EFCAB6: variants seen among roughly 807,000 people sequenced by gnomAD.
EFCAB6 encodes EF-hand calcium binding domain 6.
A neutral mutation model predicts 169.8 loss-of-function variants in EFCAB6; 156 were observed. The ratio of observed to expected loss-of-function variants is 0.92; its 90% CI spans 0.81 to 1.05. EFCAB6 has a LOEUF of 1.05. Among genes scored for constraint, EFCAB6 ranks in the 50% least tolerant of loss-of-function variants. The pLI is 0.00. For missense variants in EFCAB6, 1,800 were observed against 1,829.1 expected (o/e 0.98, Z 0.29); for synonymous variants, 698 against 676.4 (o/e 1.03, Z -0.50).
At chr22:43,622,921 G>A (rs1040768013) in intron 20 of EFCAB6, among the ~76,000 whole-genome samples, 1 of 152,148 alleles carries the variant, frequency 6.6e-6, no homozygotes, top group South Asian at 2.1e-4. Flanking sequence ...CACCATGCTC[G>A]GGGTGTTGTG....
chr22:43,646,815 A>G (rs764058978), intron 17 of EFCAB6, among the ~76,000 whole-genome samples: 23 of 152,234 alleles, frequency 1.5e-4, no homozygotes, highest in Non-Finnish European at 1.2e-4. Flanking sequence ...TTTTTATTCT[A>G]CCCAAAGTTG....
intron 26 of EFCAB6, among the ~76,000 whole-genome samples, chr22:43,573,323 T>C (rs994467673): frequency 6.6e-6 from 1 of 152,110 alleles, no homozygotes; most frequent in African/African-American, 2.4e-5. Context: ...TGTTACACTT[T>C]GATACAAATG....
chr22:43,529,032 G>T, intron 31 of EFCAB6, 57 bp from the exon 32 acceptor site: 1 of 1,507,894 alleles, frequency 6.6e-7, no homozygotes, highest in Non-Finnish European at 9.0e-7. Context: ...GGTTAAGGAG[G>T]CAGGCTGCCA....
Position 43,626,544 on chromosome 22 carries a change from C to CA in EFCAB6, c.2367dup (p.Gly790TrpfsTer5). 1.9e-6 allele frequency: 3 copies of CA among 1,614,102 alleles called. No homozygotes were observed. Among genetic ancestry groups the CA allele is most frequent in the Non-Finnish European group, 1.7e-6 (2 of 1,180,034 alleles). The stretch of plus-strand genomic sequence containing the variant: ...TTTAAAGTGACACTAAGTCTCAAGC[C>CA]AAGAAGGCCAAGGAAGCGCTCAAAC... On this transcript the variant is annotated frameshift_variant, in exon 20 of 32. Coordinates refer to ENST00000262726, the MANE Select transcript of EFCAB6 (RefSeq NM_022785.4). LOFTEE classifies it high-confidence loss of function.
chr22:43,672,500 T>C (rs979048657), intron 13 of EFCAB6, among the ~76,000 whole-genome samples, 195 bp from the exon 14 acceptor site: 2 of 152,150 alleles, frequency 1.3e-5, no homozygotes, highest in Non-Finnish European at 2.9e-5. Context: ...TGAAATACTA[T>C]GCAGACATAA....
At position 43,576,431 on chromosome 22, in the gene EFCAB6, G is replaced by T; in HGVS notation, c.3286C>A (p.Gln1096Lys). 1 of 1,600,170 alleles carries T rather than the reference G, an allele frequency of 6.2e-7. No homozygotes were observed. The highest frequency in any genetic ancestry group is 8.5e-7 in the Non-Finnish European group (1 of 1,176,020). The change falls in exon 26 of 32, where the codon CAA (glutamine) becomes AAA (lysine). Residue 1096 changes from glutamine (Q) to lysine (K), a missense_variant. Coordinates refer to ENST00000262726, the MANE Select transcript of EFCAB6 (RefSeq NM_022785.4). Reference protein sequence around the residue: ...TGFVKATEFGQVLKDFCYKLT... With the variant: ...TGFVKATEFGKVLKDFCYKLT... Reference sequence around the variant, plus strand: ...TTGTAACAGAAATCCTTAAGAACTTGTCCGAATTCTGTAGCCTTTACAAAT... The same window carrying T: ...TTGTAACAGAAATCCTTAAGAACTTTTCCGAATTCTGTAGCCTTTACAAAT...
Position 43,782,273 on chromosome 22 carries a change from G to A in EFCAB6, c.46C>T (p.His16Tyr). 1 of 1,614,088 alleles carries A rather than the reference G, an allele frequency of 6.2e-7. No homozygotes were observed. Among genetic ancestry groups the A allele is most frequent in the Non-Finnish European group, 8.5e-7 (1 of 1,179,968 alleles). ...IIPDWLRSHP[H>Y]TRKFTHSRPH... ...CTTGAATGTGTAAATTTTCGTGTGTGAGGATGCGACCTAAGCCAGTCTGGT... is the reference window on the plus strand; with the variant it reads ...CTTGAATGTGTAAATTTTCGTGTGTAAGGATGCGACCTAAGCCAGTCTGGT... Residue 16 changes from histidine to tyrosine, a missense_variant, in exon 3 of 32, where the codon CAC (histidine) becomes TAC (tyrosine). By Grantham distance (83) the His-to-Tyr change is moderately conservative (BLOSUM62 2). Coordinates refer to ENST00000262726, the MANE Select transcript of EFCAB6 (RefSeq NM_022785.4).
intron 17 of EFCAB6, among the ~76,000 whole-genome samples, chr22:43,638,942 T>C (rs1346024207): frequency 6.6e-6 from 1 of 152,020 alleles, no homozygotes; most frequent in Non-Finnish European, 1.5e-5. Flanking sequence ...TGTGCCACCA[T>C]GCCCGGCTAA....
chr22:43,782,126 A>G, intron 3 of EFCAB6, 54 bp downstream of exon 3: 1 of 1,541,754 alleles, frequency 6.5e-7, no homozygotes, highest in Non-Finnish European at 8.8e-7. Context: ...TACATATTAA[A>G]TACATATAAG....
chr22:43,769,017 C>T (rs2147949960), intron 4 of EFCAB6, among the ~76,000 whole-genome samples: 1 of 152,258 alleles, frequency 6.6e-6, no homozygotes. Context: ...GAACTGAAAA[C>T]ATATGTTCAC....
chr22:43,648,285 T>G (rs1226640716), intron 17 of EFCAB6, among the ~76,000 whole-genome samples: 1 of 152,032 alleles, frequency 6.6e-6, no homozygotes, highest in East Asian at 1.9e-4. Context: ...CTATTCACAA[T>G]AGCAAAGGTG....
intron 6 of EFCAB6, among the ~76,000 whole-genome samples, chr22:43,742,999 C>G (rs970149461): frequency 1.3e-5 from 2 of 152,160 alleles, no homozygotes; most frequent in Non-Finnish European, 2.9e-5. Context: ...TTCCAAAGTG[C>G]GGCTGCATAA....
chr22:43,725,695 G>C lies in EFCAB6; in HGVS notation c.757+6004C>G, dbSNP rs79767066. Among the ~76,000 whole-genome samples, 1,283 of 152,306 alleles carry C rather than the reference G, an allele frequency of 8.4e-3. 16 individuals carry two copies. Among genetic ancestry groups the C allele is most frequent in the African/African-American group, 0.03 (1,238 of 41,568 alleles). ...GAACTGGTAGGATGGCAGCGGGGAA[G>C]ATGATGGGCTGGTGTCAGCAATTCA... On this transcript the variant is annotated intron_variant, in intron 8 of 31. Transcript: ENST00000262726.
rs541035540 is a variant in EFCAB6 at position 43,580,704 on chromosome 22, A to T, written c.3033-45T>A. ...AAGAACATATTCATTTTAAAAAGCC[A>T]CCCTACTGCTTATTCATTCAACAGT... On this transcript the variant is annotated intron_variant, in intron 24 of 31. Transcript: ENST00000262726. The T allele has an allele frequency of 4.0e-4, 637 of 1,593,668 alleles. 11 individuals carry two copies. In the South Asian group the frequency reaches 6.8e-3, roughly 17 times the overall value.
intron 31 of EFCAB6, 72 bp downstream of exon 31, chr22:43,530,743 G>A: frequency 1.9e-6 from 3 of 1,596,806 alleles, no homozygotes; most frequent in South Asian, 1.1e-5. Flanking sequence ...AGGGCTCCCC[G>A]TGGGAAGTTT....
At chr22:43,608,724 C>A (rs1482559083) in intron 21 of EFCAB6, 124 bp from the exon 22 acceptor site, 14 of 843,564 alleles carry the variant, frequency 1.7e-5, no homozygotes, top group Non-Finnish European at 2.5e-5. Flanking sequence ...CCTCCTTAAT[C>A]ACCTTTTAAT....
chr22:43,530,578 G>T (rs2046997277), intron 31 of EFCAB6: 1 of 985,344 alleles, frequency 1.0e-6, no homozygotes, highest in African/African-American at 1.7e-5. Flanking sequence ...GGCGATGCAG[G>T]TATGGGGCAT....
intron 6 of EFCAB6, among the ~76,000 whole-genome samples, chr22:43,739,303 C>A (rs1412073844): frequency 6.6e-6 from 1 of 152,228 alleles, no homozygotes; most frequent in Non-Finnish European, 1.5e-5. Flanking sequence ...CCTTGAGGCA[C>A]TTTTGCTACT....
At chr22:43,775,045 T>C (rs1277283086) in intron 3 of EFCAB6, among the ~76,000 whole-genome samples, 1 of 151,990 alleles carries the variant, frequency 6.6e-6, no homozygotes, top group Non-Finnish European at 1.5e-5. Context: ...AGTGACACAG[T>C]ACCGTACTAG....
Sources: allele counts gnomAD v4.1 joint callset (sites outside exome capture counted in the v4.1 genomes callset), GRCh38; gene constraint gnomAD v4.1.1; transcripts MANE v1.5; gene names NCBI Gene and HGNC (gene_info 2026-07-23, HGNC 2026-07-21).